Variants in TEX9 observed in about 807,000 individuals in gnomAD.
TEX9 encodes the protein testis-expressed protein 9.
A neutral mutation model predicts 59.6 loss-of-function variants in TEX9; 74 were observed. The ratio of observed to expected loss-of-function variants is 1.24; its 90% CI spans 1.03 to 1.51. The LOEUF (loss-of-function observed/expected upper bound fraction) is 1.51, where lower values mean the gene tolerates loss of function less well. Ranked by LOEUF, TEX9 falls within the 40% of genes most tolerant of loss-of-function variation. The pLI, the probability that TEX9 is intolerant of heterozygous loss-of-function variation, is 0.00. For missense variants in TEX9, 522 were observed against 447.8 expected (o/e 1.17, Z -1.49); for synonymous variants, 186 against 152.2 (o/e 1.22, Z -1.64).
At chr15:56,422,748 C>T (rs999048978) in intron 10 of TEX9, among the ~76,000 whole-genome samples, 3 of 151,990 alleles carry the variant, frequency 2.0e-5, no homozygotes, top group Non-Finnish European at 2.9e-5. Context: ...TACAACCTAT[C>T]CATGAACTCT....
chr15:56,289,401 A>C (rs2045031500), intron 1 of TEX9, among the ~76,000 whole-genome samples: 1 of 152,156 alleles, frequency 6.6e-6, no homozygotes, highest in Non-Finnish European at 1.5e-5. Context: ...CCCTACAAGA[A>C]GGGGGAATAT....
In TEX9 at chr15:56,391,244, G is replaced by T; in HGVS notation, c.397G>T (p.Val133Phe). ...ATGTATTTAATTTTTATTTTTTAGT[G>T]TTAAATTGAAATACTCTGATGTCCA... The change falls in exon 7 of 13, where the codon GTT becomes TTT. Residue 133 changes from valine (V) to phenylalanine (F), a missense_variant and splice_region_variant. Val to Phe is a conservative substitution (Grantham distance 50, BLOSUM62 -1). Transcript: ENST00000352903. The T allele has an allele frequency of 2.6e-6, 4 of 1,543,470 alleles. No individual in the cohort carries two copies. In the South Asian group the frequency reaches 3.8e-5, roughly 15 times the overall value.
intron 9 of TEX9, among the ~76,000 whole-genome samples, chr15:56,407,810 C>T (rs543851202): frequency 6.6e-6 from 1 of 152,202 alleles, no homozygotes; most frequent in African/African-American, 2.4e-5. Context: ...GAAACAGAAT[C>T]AAAAGATAAC....
chr15:56,261,082 C>A (rs1456390852), intron 1 of TEX9, among the ~76,000 whole-genome samples: 4 of 151,482 alleles, frequency 2.6e-5, no homozygotes, highest in African/African-American at 9.7e-5. Context: ...GGATATTGCC[C>A]TTTGATTCTG....
intron 1 of TEX9, among the ~76,000 whole-genome samples, chr15:56,246,728 C>T (rs1444282736): frequency 6.6e-6 from 1 of 152,096 alleles, no homozygotes; most frequent in Non-Finnish European, 1.5e-5. Context: ...ACAAGTATTA[C>T]CCAACCCTGA....
intron 12 of TEX9, chr15:56,428,905 TATCAGTACAAAAATAACAGC>T: frequency 1.9e-6 from 1 of 516,840 alleles, no homozygotes; most frequent in East Asian, 3.4e-5. Context: ...ATTTTGAAAT[TATCAGTACAAAAATAACAGC>T]TTGATTAAAA....
chr15:56,245,998 T>C (rs2043844351), intron 1 of TEX9, among the ~76,000 whole-genome samples: 1 of 152,026 alleles, frequency 6.6e-6, no homozygotes, highest in South Asian at 2.1e-4. Flanking sequence ...GGGGAGATCC[T>C]TAGGAAGTGG....
At chr15:56,405,422 G>GT (rs1335374948) in intron 9 of TEX9, among the ~76,000 whole-genome samples, 1 of 152,152 alleles carries the variant, frequency 6.6e-6, no homozygotes, top group Non-Finnish European at 1.5e-5. Flanking sequence ...CAAAGTCTGT[G>GT]TTTTTTCAAC....
chr15:56,424,713 T>G (rs1202593814), intron 10 of TEX9, among the ~76,000 whole-genome samples: 1 of 152,170 alleles, frequency 6.6e-6, no homozygotes, highest in African/African-American at 2.4e-5. Context: ...TAACAAAGAT[T>G]TATAGTATTT....
intron 1 of TEX9, chr15:56,248,883 G>A (rs532928321): frequency 7.1e-4 from 108 of 152,350 alleles, no homozygotes; most frequent in African/African-American, 2.5e-3. Flanking sequence ...GGAAGTCAGT[G>A]CCAGTGCAGT....
chr15:56,381,137 G>A (rs1352358099), intron 3 of TEX9, among the ~76,000 whole-genome samples: 2 of 151,872 alleles, frequency 1.3e-5, no homozygotes, highest in Non-Finnish European at 2.9e-5. Flanking sequence ...TTTTCAAATA[G>A]CATGTCTTCA....
intron 1 of TEX9, among the ~76,000 whole-genome samples, chr15:56,309,204 G>A (rs1179949741): frequency 1.3e-5 from 2 of 152,074 alleles, no homozygotes; most frequent in Admixed American, 6.6e-5. Context: ...GTTTTTTATC[G>A]ATGGTCTTTC....
intron 1 of TEX9, among the ~76,000 whole-genome samples, chr15:56,283,355 G>T (rs1007057244): frequency 2.0e-5 from 3 of 151,980 alleles, no homozygotes. Flanking sequence ...TATCTTATCA[G>T]ATGGTATTCA....
intron 9 of TEX9, among the ~76,000 whole-genome samples, chr15:56,401,617 C>A (rs1348642816): frequency 6.6e-6 from 1 of 152,198 alleles, no homozygotes; most frequent in African/African-American, 2.4e-5. Flanking sequence ...AGGACTAGAA[C>A]TCAGCTCTGC....
chr15:56,430,972 C>T (rs2050574739), intron 12 of TEX9, among the ~76,000 whole-genome samples: 1 of 152,054 alleles, frequency 6.6e-6, no homozygotes, highest in South Asian at 2.1e-4. Flanking sequence ...ACCAGCCTGG[C>T]CAACATAGCA....
chr15:56,344,133 A>G (rs868325314), intron 1 of TEX9, among the ~76,000 whole-genome samples: 2 of 152,174 alleles, frequency 1.3e-5, no homozygotes, highest in South Asian at 4.1e-4. Context: ...TTAAGCATGG[A>G]GTTATCATAT....
At chr15:56,260,876 T>A (rs1231704750) in intron 1 of TEX9, among the ~76,000 whole-genome samples, 5 of 151,978 alleles carry the variant, frequency 3.3e-5, no homozygotes, top group Admixed American at 6.5e-5. Context: ...AAGCTCAAAT[T>A]TTCTTTGAGG....
downstream of TEX9, among the ~76,000 whole-genome samples, chr15:56,450,810 A>G (rs1260803870): frequency 6.6e-6 from 1 of 152,084 alleles, no homozygotes; most frequent in Non-Finnish European, 1.5e-5. Flanking sequence ...CCTTTGTTTA[A>G]CTTTTTCCCA....
At chr15:56,315,130 G>A (rs1448288838) in intron 1 of TEX9, among the ~76,000 whole-genome samples, 13 of 149,604 alleles carry the variant, frequency 8.7e-5, no homozygotes, top group African/African-American at 3.2e-4. Context: ...TCTTTTAATT[G>A]GAGAATTTAG....
Sources: allele counts gnomAD v4.1 joint callset (sites outside exome capture counted in the v4.1 genomes callset), GRCh38; gene constraint gnomAD v4.1.1; transcripts MANE v1.5; gene names NCBI Gene and HGNC (gene_info 2026-07-23, HGNC 2026-07-21).